The following CBLL1 variants were observed in gnomAD, a reference collection of about 807,000 sequenced individuals.
The protein encoded by CBLL1 is Cbl proto-oncogene like 1.
CBLL1 carries 4 observed loss-of-function variants against 44.9 expected under a neutral mutation model. That is an observed-to-expected ratio of 0.09 (90% CI 0.04 to 0.20). The LOEUF is 0.20. Among genes scored for constraint, CBLL1 ranks in the 10% least tolerant of loss-of-function variants. CBLL1 has a pLI of 1.00. For synonymous variants in CBLL1, 235 were observed against 202.2 expected, an observed-to-expected ratio of 1.16 and a Z score of -1.38; for missense variants, 569 against 636.7, an observed-to-expected ratio of 0.89 and a Z score of 1.14.
In CBLL1 at chr7:107,760,721, A is replaced by G. The variant is rs1010500421; in HGVS notation, c.*1543A>G. 6.6e-6 allele frequency: 1 copy of G among 152,214 alleles called. No homozygotes were observed. The highest frequency in any genetic ancestry group is 1.5e-5 in the Non-Finnish European group (1 of 67,908). 9.4% of individuals were successfully genotyped at this position (152,214 alleles called of 1,614,324 possible). The stretch of plus-strand genomic sequence containing the variant: ...AGTTTGTAGTGTATACATTTAGAAC[A>G]TACTTCTTTTGACAAAGGGTGATCT... On this transcript the variant is annotated 3_prime_UTR_variant, in exon 6 of 6. Transcript: ENST00000440859.
chr7:107,748,329 A>AT (rs1366194224), intron 1 of CBLL1, among the ~76,000 whole-genome samples: 2 of 152,184 alleles, frequency 1.3e-5, no homozygotes, highest in African/African-American at 4.8e-5. Context: ...TTTCTGAATG[A>AT]TTTTTAGAAT....
intron 5 of CBLL1, among the ~76,000 whole-genome samples, chr7:107,756,083 C>T (rs1037480439): frequency 2.0e-5 from 3 of 152,036 alleles, no homozygotes; most frequent in Admixed American, 1.3e-4. Flanking sequence ...ATTACATAGT[C>T]TCAAACAAGT....
intron 5 of CBLL1, among the ~76,000 whole-genome samples, chr7:107,757,224 C>G (rs1044701424): frequency 2.6e-5 from 4 of 152,078 alleles, no homozygotes; most frequent in Non-Finnish European, 5.9e-5. Context: ...GGATTAAATA[C>G]TGTCACTTTC....
At chr7:107,748,853 A>G (rs1256605813) in intron 1 of CBLL1, 27 bp from the exon 2 acceptor site, 2 of 1,551,414 alleles carry the variant, frequency 1.3e-6, no homozygotes, top group South Asian at 2.5e-5. Flanking sequence ...AACTAAAAGA[A>G]ATTACAACTT....
intron 2 of CBLL1, among the ~76,000 whole-genome samples, chr7:107,749,791 G>GT (rs1793194279): frequency 6.6e-6 from 1 of 151,628 alleles, no homozygotes; most frequent in South Asian, 2.1e-4. Context: ...TAAAATTTTT[G>GT]TTTTGATGTA....
Position 107,759,102 on chromosome 7 carries a change from A to G in CBLL1, c.1400A>G (p.Gln467Arg), listed in dbSNP as rs1242343244. ...GGGCCACCACCACCTCCACGATTGCAGGGTCCGCCTTCTCAAACCCCACTT... is the reference window on the plus strand; with the variant it reads ...GGGCCACCACCACCTCCACGATTGCGGGGTCCGCCTTCTCAAACCCCACTT... ...PRGPPPPPRLQGPPSQTPLPG... is the reference protein window; with the variant it reads ...PRGPPPPPRLRGPPSQTPLPG... The change falls in exon 6 of 6, where the codon CAG becomes CGG. Residue 467 changes from glutamine to arginine, a missense_variant. By Grantham distance (43) the Gln-to-Arg change is conservative (BLOSUM62 1). Around this residue, in one of 5 missense-constraint regions of CBLL1, gnomAD observed 228 missense variants for 253.2 expected, o/e 0.90. Coordinates refer to ENST00000440859, the MANE Select transcript of CBLL1 (RefSeq NM_024814.4). The G allele has an allele frequency of 1.9e-6, 3 of 1,613,970 alleles. No homozygotes were observed. Among genetic ancestry groups the G allele is most frequent in the African/African-American group, 1.3e-5 (1 of 74,914 alleles).
At chr7:107,750,973 G>C (rs985068879) in intron 2 of CBLL1, among the ~76,000 whole-genome samples, 2 of 151,066 alleles carry the variant, frequency 1.3e-5, no homozygotes, top group Admixed American at 1.3e-4. Flanking sequence ...AAAAAGGTGG[G>C]GTCTGGCTTT....
Position 107,758,255 on chromosome 7 carries a change from C to G in CBLL1, c.553C>G (p.His185Asp). The part of the protein sequence containing the change: ...TYLSQRDLQA[H>D]INHRHMRAGK... Reference sequence around the variant, plus strand: ...TTTGTCTCAGAGAGACTTACAGGCTCATATCAACCATCGCCATATGAGAGC... The same window carrying G: ...TTTGTCTCAGAGAGACTTACAGGCTGATATCAACCATCGCCATATGAGAGC... Residue 185 changes from histidine (H) to aspartate (D), a missense_variant, in exon 6 of 6, where the codon CAT becomes GAT. Physicochemically the swap from His to Asp is moderately conservative, Grantham distance 81. Coordinates refer to ENST00000440859, the MANE Select transcript of CBLL1 (RefSeq NM_024814.4). The surrounding 1 kb of genome is among the most constrained non-coding windows in gnomAD (Gnocchi z 4.2). The G allele has an allele frequency of 6.2e-7, 1 of 1,614,096 alleles. No individual in the cohort carries two copies.
chr7:107,752,546 T>G (rs1411692508), intron 2 of CBLL1: 2 of 1,289,400 alleles, frequency 1.6e-6, no homozygotes, highest in African/African-American at 1.5e-5. Context: ...GTTTACCAGT[T>G]CTAGGGCCAA....
intron 2 of CBLL1, among the ~76,000 whole-genome samples, chr7:107,750,422 C>T (rs183825509): frequency 2.6e-5 from 4 of 152,056 alleles, no homozygotes; most frequent in African/African-American, 9.6e-5. Flanking sequence ...TCTCCTGCCT[C>T]AGCCTCCCGA....
chr7:107,748,608 T>C (rs943633043), intron 1 of CBLL1, among the ~76,000 whole-genome samples: 8 of 152,226 alleles, frequency 5.3e-5, no homozygotes, highest in African/African-American at 1.9e-4. Context: ...TCTGGAATTA[T>C]ATGAAAAATT....
chr7:107,744,822 T>A (rs1363535984), intron 1 of CBLL1: 1 of 152,240 alleles, frequency 6.6e-6, no homozygotes, highest in African/African-American at 2.4e-5. Flanking sequence ...CAAGGCATTC[T>A]CATACTTTTC....
intron 1 of CBLL1, 185 bp downstream of exon 1, chr7:107,744,361 TGTG>T (rs748693974): frequency 2.9e-6 from 2 of 690,830 alleles, no homozygotes; most frequent in East Asian, 3.3e-5. Context: ...TACCGTCTGG[TGTG>T]GTACCTACCT....
intron 1 of CBLL1, among the ~76,000 whole-genome samples, chr7:107,748,371 TCTTAA>T (rs1349646870): frequency 6.6e-6 from 1 of 152,230 alleles, no homozygotes; most frequent in Admixed American, 6.5e-5. Context: ...TAATCACATT[TCTTAA>T]CTTCATTTTC....
chr7:107,753,563 TAAATACTTA>T (rs780815918), intron 3 of CBLL1, 52 bp downstream of exon 3: 2 of 1,026,184 alleles, frequency 1.9e-6, no homozygotes, highest in East Asian at 5.5e-5. Context: ...TTTTAAGTAT[TAAATACTTA>T]AAATGTTTTA....
In CBLL1 at chr7:107,760,070, GTTC is replaced by G. The variant is rs1262973009; in HGVS notation, c.*895_*897del. On this transcript the variant is annotated 3_prime_UTR_variant, in exon 6 of 6. Coordinates refer to ENST00000440859, the MANE Select transcript of CBLL1 (RefSeq NM_024814.4). ...AACTGTTTAAATGGGTTTAAATGGT[GTTC>G]TTTAGATGAAATGTGTTCTGTTTTG... is the stretch of plus-strand genomic sequence containing the variant. 5.9e-5 allele frequency: 9 copies of G among 152,214 alleles called. No homozygotes were observed. Among genetic ancestry groups the G allele is most frequent in the Admixed American group, 2.6e-4 (4 of 15,276 alleles). The allele number at this position is 152,214 out of a possible 1,614,324, so 9.4% of individuals were successfully genotyped here.
Position 107,758,629 on chromosome 7 carries a change from ACCT to A in CBLL1, c.931_933del (p.Pro311del), listed in dbSNP as rs1348689835. The A allele has an allele frequency of 1.3e-5, 21 of 1,613,844 alleles. No individual in the cohort carries two copies. Among genetic ancestry groups the A allele is most frequent in the Non-Finnish European group, 1.8e-5 (21 of 1,179,974 alleles). ...CAAATTCAGGTGCTAGAGAACCACCACCTCCTGCCCCAGCACCTGCTCACCATC... is the reference window on the plus strand; with the variant it reads ...CAAATTCAGGTGCTAGAGAACCACCACCTGCCCCAGCACCTGCTCACCATC... On this transcript the variant is annotated inframe_deletion, in exon 6 of 6. Transcript: ENST00000440859. The surrounding 1 kb of genome is among the most constrained non-coding windows in gnomAD (Gnocchi z 4.2).
intron 2 of CBLL1, among the ~76,000 whole-genome samples, chr7:107,752,198 CAAAAAAAA>C (rs796995157): frequency 8.9e-5 from 5 of 56,248 alleles, no homozygotes; most frequent in South Asian, 6.6e-4. Flanking sequence ...GACTCTGTCT[CAAAAAAAA>C]AAAAAAAAAA....
chr7:107,759,984 C>T lies in CBLL1; in HGVS notation c.*806C>T, dbSNP rs1793704637. 6.6e-6 allele frequency: 1 copy of T among 152,294 alleles called. No individual in the cohort carries two copies. The highest frequency in any genetic ancestry group is 1.5e-5 in the Non-Finnish European group (1 of 68,008). The allele number at this position is 152,294 out of a possible 1,614,324, so 9.4% of individuals were successfully genotyped here. On this transcript the variant is annotated 3_prime_UTR_variant, in exon 6 of 6. Coordinates refer to ENST00000440859, the MANE Select transcript of CBLL1 (RefSeq NM_024814.4). ...GCTGTTACTCATTAATGCTTTTTTA[C>T]TGAATGGTCGGAATCACATATGCAC...
Sources: allele counts gnomAD v4.1 joint callset (sites outside exome capture counted in the v4.1 genomes callset), GRCh38; gene constraint gnomAD v4.1.1; regional missense constraint gnomAD v4.1.1; non-coding constraint Gnocchi (gnomAD v3.1); transcripts MANE v1.5; gene names NCBI Gene and HGNC (gene_info 2026-07-23, HGNC 2026-07-21).